The following SYCE1L variants were observed in gnomAD, a reference collection of about 807,000 sequenced individuals.
SYCE1L encodes synaptonemal complex central element protein 1-like.
SYCE1L carries 51 observed loss-of-function variants against 39.6 expected under a neutral mutation model. The ratio of observed to expected loss-of-function variants is 1.29; its 90% confidence interval spans 1.03 to 1.63. The LOEUF is 1.63. Among genes scored for constraint, SYCE1L ranks in the 40% most tolerant of loss-of-function variants. SYCE1L has a pLI of 0.00. For missense variants in SYCE1L, 426 were observed against 304.9 expected (o/e 1.40, Z -2.96); for synonymous variants, 147 against 122.4 (o/e 1.20, Z -1.33).
intron 1 of SYCE1L, among the ~76,000 whole-genome samples, chr16:77,204,020 A>C (rs2054766846): frequency 6.6e-6 from 1 of 152,150 alleles, no homozygotes; most frequent in South Asian, 2.1e-4. Flanking sequence ...AGGTTTTGGT[A>C]CTTATTCATC....
rs1007348612 is a variant in SYCE1L at position 77,212,340 on chromosome 16, G to C, written c.552G>C (p.Glu184Asp). The C allele has an allele frequency of 7.9e-6, 12 of 1,527,116 alleles. No homozygotes were observed. Among genetic ancestry groups the C allele is most frequent in the South Asian group, 1.2e-5 (1 of 81,466 alleles). 94.6% of individuals were successfully genotyped at this position (1,527,116 alleles called of 1,614,324 possible). A position where few individuals can be genotyped will look rare whatever the true frequency, so the allele number is the denominator to read the frequency against. Residue 184 changes from glutamate to aspartate, a missense_variant, in exon 9 of 11, where the codon GAG (glutamate) becomes GAC (aspartate). Glu to Asp is a conservative substitution (Grantham distance 45). Transcript: ENST00000378644. The part of the protein sequence containing the change: ...EVERRLHSPP[E>D]VEGAMAVNDG... Reference sequence around the variant, plus strand: ...AGCGGCGGCTGCACTCGCCGCCTGAGGTCGAGGGCGCCATGGCGGTGAATG... The same window carrying C: ...AGCGGCGGCTGCACTCGCCGCCTGACGTCGAGGGCGCCATGGCGGTGAATG...
At chr16:77,212,415 G>A in intron 9 of SYCE1L, 46 bp downstream of exon 9, 6 of 1,531,122 alleles carry the variant, frequency 3.9e-6, no homozygotes, top group Admixed American at 2.1e-5. Context: ...GGGGCAGGGC[G>A]GAGGGGAACC....
chr16:77,212,922 C>G lies in SYCE1L; in HGVS notation c.720C>G (p.Asp240Glu). Residue 240 changes from aspartate to glutamate, a missense_variant, in exon 11 of 11, where the codon GAC (aspartate) becomes GAG (glutamate). Physicochemically the swap from Asp to Glu is conservative, Grantham distance 45 (BLOSUM62 2). Coordinates refer to ENST00000378644, the MANE Select transcript of SYCE1L (RefSeq NM_001129979.3). ...EDPEPPVAAPDAL is the reference protein window; with the variant it reads ...EDPEPPVAAPEAL ...CCGAGCCGCCGGTGGCTGCCCCTGACGCCCTCTAGGCCAGCAGGACCCGCC... is the reference window on the plus strand; with the variant it reads ...CCGAGCCGCCGGTGGCTGCCCCTGAGGCCCTCTAGGCCAGCAGGACCCGCC... 3 of 1,529,994 alleles carry G rather than the reference C, an allele frequency of 2.0e-6. No homozygotes were observed. The highest frequency in any genetic ancestry group is 2.6e-6 in the Non-Finnish European group (3 of 1,139,900). The allele number at this position is 1,529,994 out of a possible 1,614,324, so 94.8% of individuals were successfully genotyped here.
At chr16:77,206,698 A>G (rs1167433966) in intron 2 of SYCE1L, among the ~76,000 whole-genome samples, 198 bp downstream of exon 2, 3 of 152,158 alleles carry the variant, frequency 2.0e-5, no homozygotes, top group African/African-American at 4.8e-5. Context: ...TGGAAAAACC[A>G]GTTCCCCCGC....
At chr16:77,212,409 CAGGGCGGAGGGGAA>C (rs1228090550) in intron 9 of SYCE1L, 40 bp downstream of exon 9, 2 of 1,529,878 alleles carry the variant, frequency 1.3e-6, no homozygotes, top group Non-Finnish European at 1.8e-6. Context: ...AGGGCAGGGG[CAGGGCGGAGGGGAA>C]CCCGCCCAGG....
At chr16:77,206,309 G>T in intron 1 of SYCE1L, 132 bp from the exon 2 acceptor site, 2 of 732,474 alleles carry the variant, frequency 2.7e-6, no homozygotes. Context: ...GCTTCAGATG[G>T]AAACCTGTCT....
intron 1 of SYCE1L, among the ~76,000 whole-genome samples, chr16:77,203,569 C>T (rs968889949): frequency 3.3e-5 from 5 of 150,070 alleles, no homozygotes; most frequent in African/African-American, 9.8e-5. Context: ...AAGTAATCCC[C>T]TAAGGTATCT....
At position 77,206,506 on chromosome 16, in the gene SYCE1L, G is replaced by A. The variant is rs2054786781; in HGVS notation, c.121+6G>A. ...GGTGATAAAGCTGCAGAAAGGTCAT[G>A]TGTCTCTTTGTTTCTGAGCCTCAGC... On this transcript the variant is annotated splice_donor_region_variant and intron_variant, in intron 2 of 10. Transcript: ENST00000378644. 1.2e-5 allele frequency: 19 copies of A among 1,551,710 alleles called. No homozygotes were observed. The highest frequency in any genetic ancestry group is 1.3e-5 in the Non-Finnish European group (15 of 1,146,948).
At chr16:77,199,535 A>C in intron 1 of SYCE1L, 23 bp downstream of exon 1, 3 of 1,535,432 alleles carry the variant, frequency 2.0e-6, no homozygotes, top group Admixed American at 3.9e-5. Context: ...AGTGGGCTGC[A>C]CTCCTTTCTC....
chr16:77,203,826 C>A (rs34642032), intron 1 of SYCE1L, among the ~76,000 whole-genome samples: 1 of 151,888 alleles, frequency 6.6e-6, no homozygotes, highest in African/African-American at 2.4e-5. Context: ...AACTCCTGAC[C>A]TCAGATGATC....
chr16:77,208,593 C>A, intron 4 of SYCE1L, 54 bp downstream of exon 4: 1 of 1,507,040 alleles, frequency 6.6e-7, no homozygotes, highest in Non-Finnish European at 9.0e-7. Context: ...CCTGTGCATA[C>A]CTCAGGGCCT....
At chr16:77,201,538 C>T (rs2054743067) in intron 1 of SYCE1L, 1 of 152,136 alleles carries the variant, frequency 6.6e-6, no homozygotes, top group Non-Finnish European at 1.5e-5. Context: ...AAAGGCTTTG[C>T]TAGAGGCAGT....
chr16:77,212,475 C>A lies in SYCE1L; in HGVS notation c.582-99C>A, dbSNP rs1208203850. 32 of 1,539,910 alleles carry A rather than the reference C, an allele frequency of 2.1e-5. No individual in the cohort carries two copies. In the Admixed American group the frequency reaches 6.3e-4, roughly 30 times the overall value. On this transcript the variant is annotated intron_variant, in intron 9 of 10. Coordinates refer to ENST00000378644, the MANE Select transcript of SYCE1L (RefSeq NM_001129979.3). ...CGACTGCCGCTTCCCCGGCCTGTGC[C>A]TCCCTCGGCGTCGTCGGGTCTCCGC...
chr16:77,212,273 C>T lies in SYCE1L; in HGVS notation c.494-9C>T, dbSNP rs368460777. ...CTCGGCCCTGCCCCTGACGCCCGCC[C>T]ACCGACAGGGAGGCTGGTGCGCGCC... is the stretch of plus-strand genomic sequence containing the variant. On this transcript the variant is annotated splice_polypyrimidine_tract_variant and intron_variant, in intron 8 of 10. Transcript: ENST00000378644. The T allele has an allele frequency of 6.6e-7, 1 of 1,517,384 alleles. No individual in the cohort carries two copies. 94.0% of individuals were successfully genotyped at this position (1,517,384 alleles called of 1,614,324 possible).
intron 1 of SYCE1L, chr16:77,200,256 G>GTATATATATA (rs1211138188): frequency 3.6e-5 from 3 of 83,634 alleles, no homozygotes; most frequent in Admixed American, 1.2e-4. Context: ...ATGTATATGT[G>GTATATATATA]TATATATATA....
At chr16:77,203,474 AAT>A (rs2054761114) in intron 1 of SYCE1L, among the ~76,000 whole-genome samples, 1 of 152,150 alleles carries the variant, frequency 6.6e-6, no homozygotes, top group Admixed American at 6.6e-5. Flanking sequence ...TTCAAAAAAA[AAT>A]CTAATAAGCT....
chr16:77,207,716 C>G (rs770675824), intron 2 of SYCE1L, among the ~76,000 whole-genome samples: 6 of 152,170 alleles, frequency 3.9e-5, no homozygotes, highest in Non-Finnish European at 8.8e-5. Context: ...TTCTGCTACT[C>G]TCCACTTGCT....
At chr16:77,203,498 A>C (rs1041353891) in intron 1 of SYCE1L, among the ~76,000 whole-genome samples, 1 of 151,644 alleles carries the variant, frequency 6.6e-6, no homozygotes, top group Non-Finnish European at 1.5e-5. Flanking sequence ...AGGTTAAAAA[A>C]CCCTGATTTA....
Position 77,213,067 on chromosome 16 carries a change from G to A in SYCE1L, c.*136G>A. 2 of 934,180 alleles carry A rather than the reference G, an allele frequency of 2.1e-6. No individual in the cohort carries two copies. Among genetic ancestry groups the A allele is most frequent in the Non-Finnish European group, 1.4e-6 (1 of 697,340 alleles). The allele number at this position is 934,180 out of a possible 1,614,324, so 57.9% of individuals were successfully genotyped here. On this transcript the variant is annotated 3_prime_UTR_variant, in exon 11 of 11. Coordinates refer to ENST00000378644, the MANE Select transcript of SYCE1L (RefSeq NM_001129979.3). ...GCGGGGCGGGGCGTGCTGGGATCTCGAGGCGGGGCCTCTGCCGGACCCCTC... is the reference window on the plus strand; with the variant it reads ...GCGGGGCGGGGCGTGCTGGGATCTCAAGGCGGGGCCTCTGCCGGACCCCTC...
Sources: gnomAD v4.1 joint callset for allele counts (sites outside exome capture counted in the v4.1 genomes callset) on GRCh38, gnomAD v4.1.1 for gene constraint, MANE v1.5 for transcripts, NCBI Gene and HGNC (gene_info 2026-07-23, HGNC 2026-07-21) for gene names.